The following NSMCE2 variants were observed in gnomAD, a reference collection of about 807,000 sequenced individuals.
The protein encoded by NSMCE2 is E3 SUMO-protein ligase NSE2.
NSMCE2 carries 24 observed loss-of-function variants against 23.8 expected under a neutral mutation model. The observed-to-expected ratio is 1.01, with a 90% CI of 0.73 to 1.42. The LOEUF is 1.42. NSMCE2 is among the 40% of genes most tolerant of loss of function. The pLI is 0.00. For missense variants in NSMCE2, 284 were observed against 296.5 expected (o/e 0.96, Z 0.31); for synonymous variants, 92 against 94.1 (o/e 0.98, Z 0.13).
rs16900535 is a variant in NSMCE2 at position 125,303,667 on chromosome 8, A to T, written c.419-53552A>T. Among the ~76,000 whole-genome samples the T allele has an allele frequency of 7.9e-3, 1,197 of 152,238 alleles. 11 individuals carry two copies. Among genetic ancestry groups the T allele is most frequent in the African/African-American group, 0.028 (1,153 of 41,528 alleles). ...ACTATATATTCCAATTGCTGTACAG[A>T]AATTCAACTCCACATACTCAACAAA... On this transcript the variant is annotated intron_variant, in intron 5 of 7. Coordinates refer to ENST00000287437, the MANE Select transcript of NSMCE2 (RefSeq NM_173685.4).
chr8:125,343,653 A>C (rs747423002), intron 5 of NSMCE2, among the ~76,000 whole-genome samples: 13 of 151,978 alleles, frequency 8.6e-5, no homozygotes, highest in Non-Finnish European at 1.5e-4. Flanking sequence ...TTAAAAAAAA[A>C]AATTAAAGTA....
intron 5 of NSMCE2, among the ~76,000 whole-genome samples, chr8:125,331,496 A>G (rs1829874136): frequency 1.3e-5 from 2 of 152,300 alleles, no homozygotes; most frequent in Middle Eastern, 3.4e-3. Flanking sequence ...GTGCTGGGTA[A>G]TGGGGAAGAG....
At chr8:125,266,161 C>T (rs951892624) in intron 5 of NSMCE2, among the ~76,000 whole-genome samples, 1 of 151,002 alleles carries the variant, frequency 6.6e-6, no homozygotes, top group Non-Finnish European at 1.5e-5. Flanking sequence ...GCGCGATCTC[C>T]GCTCACCGCA....
chr8:125,151,124 T>C (rs377639700), intron 3 of NSMCE2, 47 bp from the exon 4 acceptor site: 12 of 975,088 alleles, frequency 1.2e-5, no homozygotes, highest in East Asian at 4.9e-5. Flanking sequence ...TTTCCAGATA[T>C]GGCATTTTAA....
intron 4 of NSMCE2, among the ~76,000 whole-genome samples, chr8:125,170,024 C>T (rs924920184): frequency 7.2e-5 from 11 of 152,012 alleles, no homozygotes; most frequent in African/African-American, 2.7e-4. Flanking sequence ...CATCCCATCT[C>T]TGTTTGCCAA....
intron 5 of NSMCE2, among the ~76,000 whole-genome samples, chr8:125,297,145 TAAC>T (rs1032121601): frequency 6.6e-6 from 1 of 152,226 alleles, no homozygotes; most frequent in African/African-American, 2.4e-5. Flanking sequence ...CACCCATTTT[TAAC>T]AACCTGTATT....
At chr8:125,225,942 T>C (rs1825073806) in intron 5 of NSMCE2, among the ~76,000 whole-genome samples, 1 of 152,226 alleles carries the variant, frequency 6.6e-6, no homozygotes, top group Admixed American at 6.5e-5. Flanking sequence ...TGAATTTTAA[T>C]GGACTTTTTG....
At chr8:125,296,061 T>TA (rs962459470) in intron 5 of NSMCE2, among the ~76,000 whole-genome samples, 3 of 152,058 alleles carry the variant, frequency 2.0e-5, no homozygotes, top group African/African-American at 7.2e-5. Context: ...CTTGATTAAT[T>TA]AAAAAAAATA....
intron 4 of NSMCE2, among the ~76,000 whole-genome samples, chr8:125,156,656 T>TA (rs1180448391): frequency 6.6e-6 from 1 of 152,224 alleles, no homozygotes; most frequent in Non-Finnish European, 1.5e-5. Flanking sequence ...TATATGCCTT[T>TA]TAAAACTAAT....
rs560495079 is a variant in NSMCE2, at chr8:125,153,184, A to G, written c.264+1907A>G. ...TTCAGTAGTTAACAACATTTCTTTC[A>G]TCTTGAGGTTTCATCTCATTATCCT... On this transcript the variant is annotated intron_variant, in intron 4 of 7. Coordinates refer to ENST00000287437, the MANE Select transcript of NSMCE2 (RefSeq NM_173685.4). 3.3e-5 allele frequency among the ~76,000 whole-genome samples: 5 copies of G among 151,738 alleles called. No individual in the cohort carries two copies. In the East Asian group the frequency reaches 9.7e-4, roughly 29 times the overall value.
chr8:125,163,680 A>G (rs1289640214), intron 4 of NSMCE2, among the ~76,000 whole-genome samples: 1 of 152,184 alleles, frequency 6.6e-6, no homozygotes, highest in African/African-American at 2.4e-5. Flanking sequence ...GACAACCCAT[A>G]TCTGAATGGC....
At chr8:125,126,665 G>A (rs1190691469) in intron 3 of NSMCE2, among the ~76,000 whole-genome samples, 1 of 152,094 alleles carries the variant, frequency 6.6e-6, no homozygotes, top group African/African-American at 2.4e-5. Flanking sequence ...GAATAACCTC[G>A]AGCTTTCAGA....
chr8:125,224,385 A>G (rs1005592579), intron 5 of NSMCE2, among the ~76,000 whole-genome samples: 2 of 152,114 alleles, frequency 1.3e-5, no homozygotes, highest in Non-Finnish European at 2.9e-5. Context: ...GCTCAGCCCA[A>G]TGTCGTGGAG....
rs1450738221 is a variant in NSMCE2 at position 125,367,053 on chromosome 8, C to G, written c.*168C>G. 3.5e-6 allele frequency: 2 copies of G among 568,776 alleles called. No individual in the cohort carries two copies. Among genetic ancestry groups the G allele is most frequent in the Non-Finnish European group, 6.4e-6 (2 of 313,530 alleles). 35.2% of individuals were successfully genotyped at this position (568,776 alleles called of 1,614,324 possible). On this transcript the variant is annotated 3_prime_UTR_variant, in exon 8 of 8. Coordinates refer to ENST00000287437, the MANE Select transcript of NSMCE2 (RefSeq NM_173685.4). ...GAAAACATTTTTCAAAGTTACACAA[C>G]AGAAATGCAATCATATTGTTTATTT...
intron 3 of NSMCE2, among the ~76,000 whole-genome samples, chr8:125,131,544 T>C (rs954889): frequency 0.077 from 11,703 of 152,214 alleles, 559 homozygotes; most frequent in Middle Eastern, 0.29. Flanking sequence ...TTGGAACTTA[T>C]GCACACCTTG....
At chr8:125,098,391 T>C (rs894541210) in intron 1 of NSMCE2, among the ~76,000 whole-genome samples, 1 of 152,164 alleles carries the variant, frequency 6.6e-6, no homozygotes, top group Non-Finnish European at 1.5e-5. Flanking sequence ...ATTACGAAGC[T>C]CTTTGGCCAT....
chr8:125,102,566 A>C, intron 3 of NSMCE2, 79 bp downstream of exon 3: 1 of 1,164,186 alleles, frequency 8.6e-7, no homozygotes, highest in Non-Finnish European at 1.3e-6. Context: ...GTGCCTTTTG[A>C]GTATCCTTGG....
At chr8:125,173,522 A>G (rs1225259769) in intron 4 of NSMCE2, among the ~76,000 whole-genome samples, 4 of 152,222 alleles carry the variant, frequency 2.6e-5, no homozygotes, top group Non-Finnish European at 5.9e-5. Flanking sequence ...CTTCTAGATG[A>G]TAGGGTATGT....
chr8:125,302,322 G>A (rs766887416), intron 5 of NSMCE2, among the ~76,000 whole-genome samples: 6 of 152,122 alleles, frequency 3.9e-5, no homozygotes, highest in Non-Finnish European at 7.4e-5. Flanking sequence ...TAAAAGCATT[G>A]GGGATAAATC....
Sources: allele counts gnomAD v4.1 joint callset (sites outside exome capture counted in the v4.1 genomes callset), GRCh38; gene constraint gnomAD v4.1.1; transcripts MANE v1.5; gene names NCBI Gene and HGNC (gene_info 2026-07-23, HGNC 2026-07-21).